The following UBR3 variants were observed in gnomAD, a reference collection of about 807,000 sequenced individuals.
UBR3 encodes E3 ubiquitin-protein ligase UBR3.
In UBR3, 85 loss-of-function variants were observed where a neutral mutation model predicts 243.2. The ratio of observed to expected loss-of-function variants is 0.35; its 90% CI spans 0.29 to 0.42. The LOEUF (loss-of-function observed/expected upper bound fraction) is 0.42, where lower values mean the gene tolerates loss of function less well. UBR3 is among the 10% of genes least tolerant of loss of function. The pLI is 1.00. For missense variants in UBR3, 1,686 were observed against 2,300.8 expected (o/e 0.73, Z 5.47); for synonymous variants, 748 against 799.8 (o/e 0.94, Z 1.09).
intron 24 of UBR3, among the ~76,000 whole-genome samples, chr2:169,969,669 C>T (rs775003106): frequency 6.6e-6 from 1 of 151,806 alleles, no homozygotes; most frequent in Non-Finnish European, 1.5e-5. Context: ...CTGCCTCAGC[C>T]TCCCAAGCAG....
chr2:169,833,853 A>G (rs977255390), intron 1 of UBR3, among the ~76,000 whole-genome samples: 1 of 151,750 alleles, frequency 6.6e-6, no homozygotes, highest in African/African-American at 2.4e-5. Flanking sequence ...GTGATATCAC[A>G]GCTCACTGCA....
intron 1 of UBR3, among the ~76,000 whole-genome samples, chr2:169,864,412 T>C (rs1226622599): frequency 2.6e-5 from 4 of 152,128 alleles, no homozygotes; most frequent in African/African-American, 9.7e-5. Context: ...CAAAAAAAAT[T>C]TGAACAACTG....
chr2:169,838,831 C>T (rs2082200509), intron 1 of UBR3, among the ~76,000 whole-genome samples: 1 of 152,166 alleles, frequency 6.6e-6, no homozygotes, highest in Admixed American at 6.5e-5. Context: ...TACGCTTCAT[C>T]CTGTGGCAGA....
intron 1 of UBR3, among the ~76,000 whole-genome samples, chr2:169,859,471 A>G (rs1319558143): frequency 6.6e-6 from 1 of 152,014 alleles, no homozygotes; most frequent in Non-Finnish European, 1.5e-5. Flanking sequence ...TTCAGCCACT[A>G]ATTCTTCAGA....
chr2:169,938,186 C>T (rs1259340545), intron 19 of UBR3, among the ~76,000 whole-genome samples: 1 of 152,000 alleles, frequency 6.6e-6, no homozygotes, highest in African/African-American at 2.4e-5. Flanking sequence ...TTTTTAATTG[C>T]ACTTTTTATT....
At chr2:169,856,282 G>C (rs1371817343) in intron 1 of UBR3, among the ~76,000 whole-genome samples, 2 of 151,214 alleles carry the variant, frequency 1.3e-5, no homozygotes, top group African/African-American at 4.9e-5. Context: ...ATGGGCAGCC[G>C]GGCAGAGACG....
At position 169,938,713 on chromosome 2, in the gene UBR3, C is replaced by A. The variant is rs115645102; in HGVS notation, c.2664-3780C>A. Reference sequence around the variant, plus strand: ...AATTAATTTAATTTTCCTTCTGTTGCCTAAATCAAGGTCACAGATACCTAA... The same window carrying A: ...AATTAATTTAATTTTCCTTCTGTTGACTAAATCAAGGTCACAGATACCTAA... On this transcript the variant is annotated intron_variant, in intron 19 of 38. Transcript: ENST00000272793. 8.5e-3 allele frequency among the ~76,000 whole-genome samples: 1,289 copies of A among 152,066 alleles called. 23 individuals are homozygous for A. Among genetic ancestry groups the A allele is most frequent in the African/African-American group, 0.029 (1,203 of 41,446 alleles).
intron 1 of UBR3, among the ~76,000 whole-genome samples, chr2:169,863,496 T>C (rs2083156779): frequency 6.6e-6 from 1 of 152,246 alleles, no homozygotes; most frequent in Non-Finnish European, 1.5e-5. Flanking sequence ...CACTAAGGAC[T>C]ATTTAACCTT....
chr2:169,949,037 A>G (rs2086902182), intron 22 of UBR3, among the ~76,000 whole-genome samples: 1 of 152,040 alleles, frequency 6.6e-6, no homozygotes, highest in Admixed American at 6.6e-5. Flanking sequence ...TAAATTTCAT[A>G]TTAAAATATG....
At chr2:169,880,931 T>C (rs1294409375) in intron 5 of UBR3, among the ~76,000 whole-genome samples, 2 of 152,174 alleles carry the variant, frequency 1.3e-5, no homozygotes, top group East Asian at 1.9e-4. Flanking sequence ...TTCATTTCTC[T>C]TAGATTCTGT....
chr2:169,870,844 G>A (rs765204504), intron 1 of UBR3, among the ~76,000 whole-genome samples: 8 of 151,816 alleles, frequency 5.3e-5, no homozygotes, highest in Non-Finnish European at 1.0e-4. Flanking sequence ...AGTAGAGATG[G>A]GGTTTTGCCA....
chr2:169,835,993 G>GTCTCTCTCTC (rs577838877), intron 1 of UBR3, among the ~76,000 whole-genome samples: 3 of 30,726 alleles, frequency 9.8e-5, no homozygotes, highest in African/African-American at 3.3e-4. Context: ...TGTGTGCACT[G>GTCTCTCTCTC]TCTCTCTCTC....
At chr2:169,927,722 A>G (rs2085963630) in intron 17 of UBR3, among the ~76,000 whole-genome samples, 1 of 152,202 alleles carries the variant, frequency 6.6e-6, no homozygotes, top group African/African-American at 2.4e-5. Context: ...TATAAAAGGC[A>G]GCTAGGTCCA....
rs557815210 is a variant in UBR3 at position 170,022,854 on chromosome 2, C to T, written c.4454-6492C>T. Among the ~76,000 whole-genome samples, 18 of 152,254 alleles carry T rather than the reference C, an allele frequency of 1.2e-4. 2 individuals are homozygous for T. In the South Asian group the frequency reaches 2.7e-3, roughly 23 times the overall value. On this transcript the variant is annotated intron_variant, in intron 30 of 38. Transcript: ENST00000272793. ...TCCTGTCATCCATGGCATCAACCTT[C>T]TGTCTCTTGGGAACCAGATCTACAG...
chr2:169,970,513 C>T (rs2088080719), intron 24 of UBR3, among the ~76,000 whole-genome samples: 1 of 109,506 alleles, frequency 9.1e-6, no homozygotes, highest in Non-Finnish European at 1.9e-5. Flanking sequence ...TGTGATGTTC[C>T]CCTTCCTGTG....
At chr2:170,015,438 T>C in intron 30 of UBR3, 72 bp downstream of exon 30, 1 of 1,242,210 alleles carries the variant, frequency 8.1e-7, no homozygotes. Context: ...AAAAGTGACA[T>C]TTTGGTATAT....
At chr2:169,999,038 T>C (rs76386698) in intron 26 of UBR3, among the ~76,000 whole-genome samples, 6,517 of 152,310 alleles carry the variant, frequency 0.043, 154 homozygotes, top group Middle Eastern at 0.061. Flanking sequence ...CATTATTAAG[T>C]GTTATCCTGC....
At chr2:170,029,563 A>G (rs2090616957) in intron 31 of UBR3, 115 bp downstream of exon 31, 2 of 762,406 alleles carry the variant, frequency 2.6e-6, no homozygotes, top group Admixed American at 3.1e-5. Context: ...TTTCTTTATG[A>G]AGCACAGAAA....
chr2:169,839,942 C>A (rs1416002704), intron 1 of UBR3, among the ~76,000 whole-genome samples: 1 of 152,162 alleles, frequency 6.6e-6, no homozygotes, highest in African/African-American at 2.4e-5. Flanking sequence ...TTAGAGAAAA[C>A]AAACCTGAGA....
Sources: gnomAD v4.1 joint callset for allele counts (sites outside exome capture counted in the v4.1 genomes callset) on GRCh38, gnomAD v4.1.1 for gene constraint, MANE v1.5 for transcripts, NCBI Gene and HGNC (gene_info 2026-07-23, HGNC 2026-07-21) for gene names.